SHB: variants seen among roughly 807,000 people sequenced by gnomAD.
SHB encodes the protein SH2 domain containing adaptor protein B.
A neutral mutation model predicts 52.3 loss-of-function variants in SHB; 20 were observed. That is an observed-to-expected ratio of 0.38 (90% CI 0.27 to 0.56). SHB has a LOEUF of 0.56. Ranked by LOEUF, SHB falls within the 20% of genes least tolerant of loss-of-function variation. The probability of loss-of-function intolerance (pLI) is 0.71; values close to 1 mark genes in which losing one functional copy is unlikely to be tolerated. For synonymous variants in SHB, 397 were observed against 316.5 expected, an observed-to-expected ratio of 1.25 and a Z score of -2.70; for missense variants, 825 against 723.3, an observed-to-expected ratio of 1.14 and a Z score of -1.61.
intron 5 of SHB, among the ~76,000 whole-genome samples, chr9:37,944,599 TC>T (rs879730487): frequency 1.1e-4 from 16 of 151,928 alleles, no homozygotes; most frequent in Non-Finnish European, 2.2e-4. Context: ...GCATTCGGCT[TC>T]CCCCAGCCTA....
At chr9:37,922,620 T>C (rs901446967) in intron 5 of SHB, among the ~76,000 whole-genome samples, 4 of 152,186 alleles carry the variant, frequency 2.6e-5, no homozygotes, top group African/African-American at 9.7e-5. Context: ...TGGGGCAGAC[T>C]GGTCATGAAG....
chr9:37,950,335 G>A (rs1832551253), intron 4 of SHB, among the ~76,000 whole-genome samples: 2 of 151,766 alleles, frequency 1.3e-5, no homozygotes, highest in African/African-American at 2.4e-5. Flanking sequence ...GTGTGATCAC[G>A]GCTCACTGCA....
chr9:38,036,021 C>T (rs143832946), intron 1 of SHB, among the ~76,000 whole-genome samples: 19 of 152,230 alleles, frequency 1.2e-4, no homozygotes, highest in African/African-American at 3.9e-4. Flanking sequence ...CCAAACCCAG[C>T]GAGGGGAAGT....
chr9:37,934,760 C>A (rs1201892475), intron 5 of SHB, among the ~76,000 whole-genome samples: 1 of 152,238 alleles, frequency 6.6e-6, no homozygotes, highest in African/African-American at 2.4e-5. Context: ...TTTTTGACAA[C>A]CTCTTTCCAC....
chr9:38,032,775 T>A (rs1490746828), intron 1 of SHB, among the ~76,000 whole-genome samples: 1 of 152,122 alleles, frequency 6.6e-6, no homozygotes, highest in Admixed American at 6.5e-5. Context: ...TGTCTTCAAG[T>A]TACACAGAAT....
rs971303151 is a variant in SHB at position 37,917,644 on chromosome 9, G to A, written c.*2177C>T. Reference sequence around the variant, plus strand: ...TCCAGGCTCCTCTGTTTGGCCAAGTGCCAACTCCTCACTCATCTTGTCATT... The same window carrying A: ...TCCAGGCTCCTCTGTTTGGCCAAGTACCAACTCCTCACTCATCTTGTCATT... On this transcript the variant is annotated 3_prime_UTR_variant, in exon 6 of 6. Transcript: ENST00000377707. Among the ~76,000 whole-genome samples the A allele has an allele frequency of 6.6e-6, 1 of 152,224 alleles. No homozygotes were observed. The highest frequency in any genetic ancestry group is 1.5e-5 in the Non-Finnish European group (1 of 68,048).
chr9:38,013,767 T>TCCC (rs1389685895), intron 2 of SHB, among the ~76,000 whole-genome samples: 4 of 152,014 alleles, frequency 2.6e-5, no homozygotes, highest in African/African-American at 9.7e-5. Context: ...CCCTCTCCCA[T>TCCC]CCCCCTTCCA....
intron 1 of SHB, among the ~76,000 whole-genome samples, chr9:38,059,533 G>A (rs572078795): frequency 5.9e-5 from 9 of 152,282 alleles, no homozygotes; most frequent in South Asian, 2.1e-4. Flanking sequence ...AGTTAGTGCC[G>A]CTGAAAGTGA....
At position 37,918,324 on chromosome 9, in the gene SHB, G is replaced by A. The variant is rs893050469; in HGVS notation, c.*1497C>T. On this transcript the variant is annotated 3_prime_UTR_variant, in exon 6 of 6. Transcript: ENST00000377707. ...GCCTCATCGGGGCTGCCTGGCCTGT[G>A]TGGGAGGACCCTGCTATGGCAAGCA... 6.6e-6 allele frequency among the ~76,000 whole-genome samples: 1 copy of A among 152,228 alleles called. No individual in the cohort carries two copies. The highest frequency in any genetic ancestry group is 2.4e-5 in the African/African-American group (1 of 41,456).
chr9:38,010,833 G>A (rs1587242598), intron 2 of SHB, among the ~76,000 whole-genome samples: 1 of 152,214 alleles, frequency 6.6e-6, no homozygotes, highest in East Asian at 1.9e-4. Flanking sequence ...GAGGGCCCAG[G>A]GACCACCTGC....
chr9:38,011,861 G>A (rs1821146215), intron 2 of SHB, among the ~76,000 whole-genome samples: 2 of 152,216 alleles, frequency 1.3e-5, no homozygotes, highest in African/African-American at 2.4e-5. Flanking sequence ...AGGTTCCATA[G>A]AGCTGTAGGG....
At chr9:37,972,627 C>A (rs1820604009) in intron 3 of SHB, among the ~76,000 whole-genome samples, 1 of 152,130 alleles carries the variant, frequency 6.6e-6, no homozygotes, top group African/African-American at 2.4e-5. Flanking sequence ...TGGCTGTGTA[C>A]CAGGGAGGGC....
chr9:37,984,755 G>A (rs1438122401), intron 2 of SHB, among the ~76,000 whole-genome samples: 3 of 152,176 alleles, frequency 2.0e-5, no homozygotes, highest in Non-Finnish European at 4.4e-5. Context: ...CCAAGTTCCA[G>A]GTGCCACATC....
intron 5 of SHB, among the ~76,000 whole-genome samples, chr9:37,932,273 C>CAAAAAAAAAAAAAAAA (rs56281324): frequency 1.8e-5 from 1 of 56,742 alleles, no homozygotes; most frequent in African/African-American, 7.1e-5. Flanking sequence ...AACTCCATCT[C>CAAAAAAAAAAAAAAAA]AAAAAAAAAA....
rs193094439 is a variant in SHB at position 37,958,862 on chromosome 9, G to T, written c.1055-2808C>A. On this transcript the variant is annotated intron_variant, in intron 3 of 5. Coordinates refer to ENST00000377707, the MANE Select transcript of SHB (RefSeq NM_003028.3). ...ATGGGACATATGGTCTTGGACAGGG[G>T]GTTGGGAGAAGGAGAGAAAGAGGTG... Among the ~76,000 whole-genome samples, 10 of 152,238 alleles carry T rather than the reference G, an allele frequency of 6.6e-5. No individual in the cohort carries two copies. The East Asian group carries it at 1.9e-3, about 29-fold the overall frequency.
At chr9:38,003,597 C>T (rs574433412) in intron 2 of SHB, among the ~76,000 whole-genome samples, 1 of 152,302 alleles carries the variant, frequency 6.6e-6, no homozygotes, top group East Asian at 1.9e-4. Context: ...AACAGCAGGG[C>T]TTCCATGGAT....
At chr9:37,998,515 C>T (rs1339448297) in intron 2 of SHB, among the ~76,000 whole-genome samples, 4 of 152,210 alleles carry the variant, frequency 2.6e-5, no homozygotes, top group East Asian at 1.9e-4. Flanking sequence ...TGCCGTGGCA[C>T]GGTCTCAGTT....
chr9:37,937,056 C>T (rs1345616309), intron 5 of SHB, among the ~76,000 whole-genome samples: 1 of 152,228 alleles, frequency 6.6e-6, no homozygotes, highest in Non-Finnish European at 1.5e-5. Flanking sequence ...CAAGATGCCC[C>T]TAGTCAGACT....
intron 4 of SHB, among the ~76,000 whole-genome samples, chr9:37,951,565 C>T (rs556517583): frequency 1.6e-4 from 25 of 152,340 alleles, no homozygotes; most frequent in African/African-American, 6.0e-4. Flanking sequence ...CAAGTCCCAG[C>T]CATTTGAAGC....
Sources: allele counts gnomAD v4.1 joint callset (sites outside exome capture counted in the v4.1 genomes callset), GRCh38; gene constraint gnomAD v4.1.1; transcripts MANE v1.5; gene names NCBI Gene and HGNC (gene_info 2026-07-23, HGNC 2026-07-21).